Variants in SLC1A2 observed in about 807,000 individuals in gnomAD.
The protein encoded by SLC1A2 is excitatory amino acid transporter 2.
Under a neutral mutation model 48.8 loss-of-function variants are expected in SLC1A2, and 15 were observed. That is an observed-to-expected ratio of 0.31 (90% CI 0.21 to 0.47). The LOEUF (loss-of-function observed/expected upper bound fraction) is 0.47, where lower values mean the gene tolerates loss of function less well. Ranked by LOEUF, SLC1A2 falls within the 20% of genes least tolerant of loss-of-function variation. The pLI, the probability that SLC1A2 is intolerant of heterozygous loss-of-function variation, is 0.99. For missense variants in SLC1A2, 502 were observed against 730.5 expected (o/e 0.69, Z 3.61); for synonymous variants, 279 against 272.6 (o/e 1.02, Z -0.23).
Position 35,251,603 on chromosome 11 carries a change from G to A in SLC1A2, c.*9291C>T, listed in dbSNP as rs1417535221. 6.6e-6 allele frequency: 1 copy of A among 152,356 alleles called. No individual in the cohort carries two copies. Among genetic ancestry groups the A allele is most frequent in the Non-Finnish European group, 1.5e-5 (1 of 68,014 alleles). The allele number at this position is 152,356 out of a possible 1,614,324, so 9.4% of individuals were successfully genotyped here. ...TTTATCTTTTGTTCTGGACATACAA[G>A]AATTTTCAAAGAGAATCCTGCATAA... On this transcript the variant is annotated 3_prime_UTR_variant, in exon 11 of 11. Transcript: ENST00000278379.
At chr11:35,391,564 A>G (rs1461503688) in intron 1 of SLC1A2, 3 of 152,196 alleles carry the variant, frequency 2.0e-5, no homozygotes, top group Non-Finnish European at 4.4e-5. Flanking sequence ...GAATTCTACC[A>G]CTGTAGCAGG....
At chr11:35,323,014 G>A (rs749496965) in intron 1 of SLC1A2, 32 of 505,928 alleles carry the variant, frequency 6.3e-5, no homozygotes, top group East Asian at 2.1e-4. Context: ...GACAGATACC[G>A]TGTTGTCACA....
intron 9 of SLC1A2, 21 bp from the exon 10 acceptor site, chr11:35,265,779 AG>A (rs1950472442): frequency 1.4e-6 from 2 of 1,473,656 alleles, no homozygotes; most frequent in Non-Finnish European, 1.9e-6. Context: ...AGAACAGAAA[AG>A]GTTCAGTGAG....
At chr11:35,308,893 A>G (rs1425612633) in intron 4 of SLC1A2, among the ~76,000 whole-genome samples, 23 of 152,158 alleles carry the variant, frequency 1.5e-4, no homozygotes, top group Admixed American at 1.5e-3. Context: ...AAGTGTGGCT[A>G]CCTATAACCC....
intron 1 of SLC1A2, among the ~76,000 whole-genome samples, chr11:35,367,460 T>C (rs1853890444): frequency 6.6e-6 from 1 of 152,220 alleles, no homozygotes; most frequent in African/African-American, 2.4e-5. Flanking sequence ...ACTCAGCTTC[T>C]ATGGTTCAAT....
At position 35,307,750 on chromosome 11, in the gene SLC1A2, C is replaced by A. The variant is rs559103630; in HGVS notation, c.562-1508G>T. ...TGCTGTATGTTAAGCTATAGGGACC[C>A]AATCCTACTGTGCTGGTTCCCATAG... On this transcript the variant is annotated intron_variant, in intron 4 of 10. Coordinates refer to ENST00000278379, the MANE Select transcript of SLC1A2 (RefSeq NM_004171.4). Among the ~76,000 whole-genome samples the A allele has an allele frequency of 1.1e-4, 16 of 152,324 alleles. No homozygotes were observed. The South Asian group carries it at 1.5e-3, about 14-fold the overall frequency.
intron 1 of SLC1A2, among the ~76,000 whole-genome samples, chr11:35,341,215 G>A (rs554947151): frequency 4.6e-5 from 7 of 152,268 alleles, no homozygotes; most frequent in African/African-American, 1.7e-4. Context: ...TCCTAGGGAG[G>A]TCCCAGGCCG....
intron 9 of SLC1A2, among the ~76,000 whole-genome samples, chr11:35,279,998 G>A (rs1035582520): frequency 6.6e-6 from 1 of 152,058 alleles, no homozygotes; most frequent in African/African-American, 2.4e-5. Context: ...ACAACAAAAC[G>A]TACCCATTTT....
intron 1 of SLC1A2, among the ~76,000 whole-genome samples, chr11:35,356,212 G>C (rs1490980815): frequency 1.3e-5 from 2 of 152,146 alleles, no homozygotes; most frequent in Non-Finnish European, 2.9e-5. Context: ...TAGACTGGGG[G>C]ACCCCATGAT....
intron 1 of SLC1A2, among the ~76,000 whole-genome samples, chr11:35,373,889 C>T (rs1013067962): frequency 6.6e-6 from 1 of 152,196 alleles, no homozygotes; most frequent in African/African-American, 2.4e-5. Flanking sequence ...GCTAAGTACT[C>T]CATGCAGATT....
chr11:35,327,698 TA>T (rs1232107312), intron 1 of SLC1A2, among the ~76,000 whole-genome samples: 1 of 152,226 alleles, frequency 6.6e-6, no homozygotes, highest in Non-Finnish European at 1.5e-5. Flanking sequence ...TTGTGTCATT[TA>T]AAAAGCGTTT....
intron 6 of SLC1A2, among the ~76,000 whole-genome samples, chr11:35,293,504 A>G (rs1036652658): frequency 2.6e-5 from 4 of 152,212 alleles, no homozygotes; most frequent in African/African-American, 4.8e-5. Context: ...TTCTCTCTCA[A>G]CCTGAATATA....
chr11:35,318,884 A>T (rs2901605), intron 1 of SLC1A2, among the ~76,000 whole-genome samples: 121,338 of 152,204 alleles, frequency 0.8, 48,917 homozygotes, highest in East Asian at 0.93. Flanking sequence ...TAGCTTCCAG[A>T]CTCAGAGTTA....
intron 9 of SLC1A2, among the ~76,000 whole-genome samples, chr11:35,278,950 C>A (rs951181946): frequency 6.6e-6 from 1 of 152,134 alleles, no homozygotes. Flanking sequence ...ACCCAGGAGG[C>A]AGAGGTTGCA....
intron 1 of SLC1A2, among the ~76,000 whole-genome samples, chr11:35,346,074 A>G (rs1321805251): frequency 1.3e-5 from 2 of 150,854 alleles, no homozygotes; most frequent in African/African-American, 4.9e-5. Flanking sequence ...TTTTTTCTTT[A>G]TACTTTAAGT....
intron 9 of SLC1A2, among the ~76,000 whole-genome samples, chr11:35,275,256 G>A (rs140698676): frequency 6.6e-6 from 1 of 152,304 alleles, no homozygotes; most frequent in East Asian, 1.9e-4. Context: ...TAGCACATGT[G>A]AGCCCAGAAA....
intron 7 of SLC1A2, 85 bp from the exon 8 acceptor site, chr11:35,287,036 C>A: frequency 9.7e-7 from 1 of 1,026,310 alleles, no homozygotes; most frequent in East Asian, 2.4e-5. Flanking sequence ...CCACTGCATC[C>A]TTAGTTTTTC....
intron 1 of SLC1A2, among the ~76,000 whole-genome samples, chr11:35,366,502 G>A (rs894583487): frequency 6.6e-5 from 10 of 152,186 alleles, no homozygotes; most frequent in Admixed American, 6.5e-4. Context: ...TTCCTCAGGA[G>A]GGTAATTCTA....
chr11:35,321,903 C>G (rs1005012093), intron 1 of SLC1A2, among the ~76,000 whole-genome samples: 3 of 152,092 alleles, frequency 2.0e-5, no homozygotes, highest in Non-Finnish European at 4.4e-5. Flanking sequence ...TCCACCAAAT[C>G]CCTCGAGGCT....
Sources: gnomAD v4.1 joint callset for allele counts (sites outside exome capture counted in the v4.1 genomes callset) on GRCh38, gnomAD v4.1.1 for gene constraint, MANE v1.5 for transcripts, NCBI Gene and HGNC (gene_info 2026-07-23, HGNC 2026-07-21) for gene names.